The following ZNF512 variants were observed in gnomAD, a reference collection of about 807,000 sequenced individuals.
The protein encoded by ZNF512 is zinc finger protein 512.
ZNF512 carries 25 observed loss-of-function variants against 77.5 expected under a neutral mutation model. That is an observed-to-expected ratio of 0.32 (90% CI 0.23 to 0.45). The LOEUF is 0.45. ZNF512 is among the 20% of genes least tolerant of loss of function. The pLI is 1.00. For missense variants in ZNF512, 483 were observed against 692.6 expected, an observed-to-expected ratio of 0.70 and a Z score of 3.40; for synonymous variants, 246 against 239.9, an observed-to-expected ratio of 1.03 and a Z score of -0.24.
At chr2:27,603,683 T>C (rs1186848314) in intron 9 of ZNF512, among the ~76,000 whole-genome samples, 4 of 149,280 alleles carry the variant, frequency 2.7e-5, no homozygotes, top group African/African-American at 1.0e-4. Context: ...CCTCGAACTC[T>C]TGGGCTCAAG....
intron 9 of ZNF512, 81 bp from the exon 10 acceptor site, chr2:27,607,764 G>C (rs938234559): frequency 7.5e-7 from 1 of 1,330,960 alleles, no homozygotes; most frequent in Non-Finnish European, 1.1e-6. Context: ...GATATTTAGA[G>C]CAGGAAGCTC....
At chr2:27,593,607 A>T (rs981246226) in intron 2 of ZNF512, among the ~76,000 whole-genome samples, 15 of 152,018 alleles carry the variant, frequency 9.9e-5, no homozygotes, top group African/African-American at 3.1e-4. Flanking sequence ...ACAGAACAAG[A>T]CTGTGTTTCA....
chr2:27,597,705 A>G (rs1193006202), intron 2 of ZNF512, among the ~76,000 whole-genome samples: 1 of 152,210 alleles, frequency 6.6e-6, no homozygotes, highest in African/African-American at 2.4e-5. Context: ...TGTCAGAGAA[A>G]GAGAGAGGCT....
At position 27,622,742 on chromosome 2, in the gene ZNF512, A is replaced by G. The variant is rs1167259873; in HGVS notation, c.*1281A>G. 1.3e-5 allele frequency: 2 copies of G among 152,808 alleles called. No homozygotes were observed. Among genetic ancestry groups the G allele is most frequent in the Non-Finnish European group, 2.9e-5 (2 of 68,048 alleles). 9.5% of individuals were successfully genotyped at this position (152,808 alleles called of 1,614,324 possible). ...TTGCCTATTTTGTGGCATATGCCAC[A>G]TAAAAAATGAACCTGATATAGACAA... is the stretch of plus-strand genomic sequence containing the variant. On this transcript the variant is annotated 3_prime_UTR_variant, in exon 14 of 14. Coordinates refer to ENST00000355467, the MANE Select transcript of ZNF512 (RefSeq NM_032434.4).
intron 5 of ZNF512, among the ~76,000 whole-genome samples, chr2:27,600,390 T>C (rs1221156453): frequency 6.6e-6 from 1 of 152,244 alleles, no homozygotes; most frequent in Non-Finnish European, 1.5e-5. Flanking sequence ...GTGACGTTTC[T>C]CAGTATCCTA....
At position 27,594,998 on chromosome 2, in the gene ZNF512, G is replaced by A. The variant is rs960237494; in HGVS notation, c.90-3069G>A. 5.9e-5 allele frequency among the ~76,000 whole-genome samples: 9 copies of A among 152,250 alleles called. No homozygotes were observed. The East Asian group carries it at 7.8e-4, about 13-fold the overall frequency. On this transcript the variant is annotated intron_variant, in intron 2 of 13. Coordinates refer to ENST00000355467, the MANE Select transcript of ZNF512 (RefSeq NM_032434.4). ...ACAAAAACCAGTCAGGCGTGGCGGCGCGTGCCTGCAATCCCAGGCATTGGG... is the reference window on the plus strand; with the variant it reads ...ACAAAAACCAGTCAGGCGTGGCGGCACGTGCCTGCAATCCCAGGCATTGGG...
intron 10 of ZNF512, among the ~76,000 whole-genome samples, 168 bp from the exon 11 acceptor site, chr2:27,615,000 C>T (rs1021518491): frequency 2.6e-5 from 4 of 152,082 alleles, no homozygotes; most frequent in Non-Finnish European, 5.9e-5. Flanking sequence ...TAGACCATTA[C>T]ACTTATCAGT....
chr2:27,587,268 GTTTTT>G (rs57745266), intron 2 of ZNF512, among the ~76,000 whole-genome samples: 7 of 132,940 alleles, frequency 5.3e-5, no homozygotes, highest in African/African-American at 5.7e-5. Context: ...TAATTCATGG[GTTTTT>G]TTTTTTTTTT....
intron 2 of ZNF512, among the ~76,000 whole-genome samples, chr2:27,596,826 C>T (rs1333658580): frequency 2.0e-5 from 3 of 152,206 alleles, no homozygotes; most frequent in Non-Finnish European, 2.9e-5. Flanking sequence ...TATGTTTACT[C>T]ATCCCCATTT....
chr2:27,591,328 C>G (rs978383942), intron 2 of ZNF512, among the ~76,000 whole-genome samples: 1 of 152,136 alleles, frequency 6.6e-6, no homozygotes, highest in African/African-American at 2.4e-5. Flanking sequence ...ATGGGATATC[C>G]ATCCCCTCAA....
rs147649393 is a variant in ZNF512, at chr2:27,595,500, T to C, written c.90-2567T>C. Among the ~76,000 whole-genome samples, 1,387 of 152,246 alleles carry C rather than the reference T, an allele frequency of 9.1e-3. 20 individuals carry two copies. The highest frequency in any genetic ancestry group is 0.032 in the African/African-American group (1,321 of 41,552). On this transcript the variant is annotated intron_variant, in intron 2 of 13. Coordinates refer to ENST00000355467, the MANE Select transcript of ZNF512 (RefSeq NM_032434.4). ...CCACCAGGCCTGGCTAATTCTTTTG[T>C]ATTTTTAGTAGAGACGGGGTTTCAC...
At chr2:27,619,445 T>C (rs1238688192) in intron 13 of ZNF512, among the ~76,000 whole-genome samples, 1 of 152,118 alleles carries the variant, frequency 6.6e-6, no homozygotes, top group African/African-American at 2.4e-5. Context: ...GGCCTTTATA[T>C]AGTTAAATGG....
chr2:27,599,573 G>A lies in ZNF512; in HGVS notation c.278-10G>A. 6.2e-7 allele frequency: 1 copy of A among 1,610,354 alleles called. No homozygotes were observed. Among genetic ancestry groups the A allele is most frequent in the Non-Finnish European group, 8.5e-7 (1 of 1,176,978 alleles). ...CTGAGTTTTTGTTTTGTTTTTGTAT[G>A]GTACTTCAGGGTCAGGTGGAGTATC... On this transcript the variant is annotated splice_polypyrimidine_tract_variant and intron_variant, in intron 3 of 13. Transcript: ENST00000355467.
In ZNF512 at chr2:27,615,139, C is replaced by G. The variant is rs375283812; in HGVS notation, c.1132-29C>G. 8 of 1,397,888 alleles carry G rather than the reference C, an allele frequency of 5.7e-6. No homozygotes were observed. The African/African-American group carries it at 1.0e-4, about 18-fold the overall frequency. 86.6% of individuals were successfully genotyped at this position (1,397,888 alleles called of 1,614,324 possible). A position where few individuals can be genotyped will look rare whatever the true frequency, so the allele number is the denominator to read the frequency against. ...TATTTTGGTTGGGAGTTGTATTTATCTAATGTTTCTGGTTGTCTTGTCTTG... is the reference window on the plus strand; with the variant it reads ...TATTTTGGTTGGGAGTTGTATTTATGTAATGTTTCTGGTTGTCTTGTCTTG... On this transcript the variant is annotated intron_variant, in intron 10 of 13. Transcript: ENST00000355467.
At position 27,607,895 on chromosome 2, in the gene ZNF512, C is replaced by T. The variant is rs1672441475; in HGVS notation, c.987C>T (p.Asn329=). ...AGCCAGAGTGCTTAAAGGAGATGAA[C>T]CTAGAGTCAAAGAGTGGGGGCCGAG... ...SGQPECLKEM[N]LESKSGGRVQ... The change falls in exon 10 of 14, where the codon AAC becomes AAT. Residue 329 remains asparagine (N), a synonymous_variant. Transcript: ENST00000355467. The T allele has an allele frequency of 3.1e-6, 5 of 1,614,054 alleles. No individual in the cohort carries two copies. The highest frequency in any genetic ancestry group is 2.2e-5 in the East Asian group (1 of 44,872).
intron 10 of ZNF512, among the ~76,000 whole-genome samples, chr2:27,610,568 A>ATATATATACATATTTTTTTTT (rs1553353375): frequency 5.5e-5 from 1 of 18,172 alleles, no homozygotes; most frequent in Non-Finnish European, 1.2e-4. Context: ...ATATATATAT[A>ATATATATACATATTTTTTTTT]TTTTTTTTTT....
At chr2:27,588,841 T>G (rs1269626972) in intron 2 of ZNF512, among the ~76,000 whole-genome samples, 1 of 152,208 alleles carries the variant, frequency 6.6e-6, no homozygotes, top group Non-Finnish European at 1.5e-5. Context: ...AGTTTTCTGA[T>G]TTATGAACAT....
chr2:27,611,267 C>A lies in ZNF512; in HGVS notation c.1131+3228C>A, dbSNP rs368933965. On this transcript the variant is annotated intron_variant, in intron 10 of 13. Transcript: ENST00000355467. ...CACATTTTATTTCATTTCTGTGGCT[C>A]CTTAGTCTCTTCCAATCTGTTATAG... Among the ~76,000 whole-genome samples the A allele has an allele frequency of 1.5e-4, 23 of 152,134 alleles. 1 individual carries two copies. Among genetic ancestry groups the A allele is most frequent in the Admixed American group, 9.8e-4 (15 of 15,266 alleles).
chr2:27,602,652 G>T, intron 8 of ZNF512, 91 bp downstream of exon 8: 1 of 1,106,096 alleles, frequency 9.0e-7, no homozygotes, highest in South Asian at 1.6e-5. Context: ...CCTCATTGTA[G>T]ACTTCCTAGT....
Sources: allele counts gnomAD v4.1 joint callset (sites outside exome capture counted in the v4.1 genomes callset), GRCh38; gene constraint gnomAD v4.1.1; transcripts MANE v1.5; gene names NCBI Gene and HGNC (gene_info 2026-07-23, HGNC 2026-07-21).